Variants in MYO19 observed in about 807,000 individuals in gnomAD.
MYO19 encodes myosin XIX, also known as unconventional myosin-XIX.
A neutral mutation model predicts 129.2 loss-of-function variants in MYO19; 132 were observed. The observed-to-expected ratio is 1.02, with a 90% CI of 0.89 to 1.18. MYO19 has a LOEUF of 1.18. Among genes scored for constraint, MYO19 ranks in the 50% most tolerant of loss-of-function variants. The probability of loss-of-function intolerance (pLI) is 0.00; values close to 1 mark genes in which losing one functional copy is unlikely to be tolerated. For synonymous variants in MYO19, 531 were observed against 477.2 expected, an observed-to-expected ratio of 1.11 and a Z score of -1.47; for missense variants, 1,210 against 1,216.7, an observed-to-expected ratio of 0.99 and a Z score of 0.08.
At chr17:36,537,132 G>T (rs1385659353), upstream of MYO19, 1 of 1,601,730 alleles carries the variant, frequency 6.2e-7, no homozygotes, top group South Asian at 1.1e-5. Flanking sequence ...GGAAGCTTTT[G>T]TCAGTAACCT....
At chr17:36,539,404 T>C (rs553975342), upstream of MYO19, 1 of 166,274 alleles carries the variant, frequency 6.0e-6, no homozygotes, top group East Asian at 1.9e-4. Context: ...AATGTGCAGA[T>C]GGGTGGATAT....
At chr17:36,509,171 T>C (rs778949751) in intron 13 of MYO19, 36 bp from the exon 14 acceptor site, 22 of 1,598,912 alleles carry the variant, frequency 1.4e-5, no homozygotes, top group Middle Eastern at 1.7e-4. Flanking sequence ...GGTAAGAGGG[T>C]CTGGCTGAGT....
chr17:36,514,363 G>A (rs1180822382), intron 9 of MYO19, 83 bp downstream of exon 9: 2 of 875,372 alleles, frequency 2.3e-6, no homozygotes, highest in Admixed American at 1.8e-5. Flanking sequence ...CAGGTATGGA[G>A]CATTCTGGGG....
intron 18 of MYO19, 41 bp from the exon 19 acceptor site, chr17:36,505,445 T>A: frequency 6.6e-7 from 1 of 1,510,380 alleles, no homozygotes; most frequent in Non-Finnish European, 9.2e-7. Flanking sequence ...GGAGAGGGGC[T>A]GCCCAGGGCC....
At chr17:36,530,822 T>A (rs1359337922) in intron 3 of MYO19, among the ~76,000 whole-genome samples, 1 of 152,160 alleles carries the variant, frequency 6.6e-6, no homozygotes, top group Non-Finnish European at 1.5e-5. Context: ...GGTTTTGCCA[T>A]GTTGGCCAGA....
intron 6 of MYO19, among the ~76,000 whole-genome samples, chr17:36,518,059 C>T (rs1411828949): frequency 3.3e-5 from 5 of 149,452 alleles, no homozygotes; most frequent in Non-Finnish European, 7.4e-5. Flanking sequence ...CGTTGCACTC[C>T]AGCCTGGGCA....
intron 5 of MYO19, 80 bp downstream of exon 5, chr17:36,527,471 A>C: frequency 6.8e-7 from 1 of 1,465,490 alleles, no homozygotes; most frequent in Middle Eastern, 2.1e-4. Flanking sequence ...TGAATAGATG[A>C]ATAAGGACAG....
chr17:36,537,782 A>G (rs2074163182), upstream of MYO19: 1 of 1,614,072 alleles, frequency 6.2e-7, no homozygotes, highest in African/African-American at 1.3e-5. Context: ...GCTATCAGGA[A>G]CATTTAACAG....
At chr17:36,537,196 G>C, upstream of MYO19, 1 of 1,614,156 alleles carries the variant, frequency 6.2e-7, no homozygotes. Flanking sequence ...CCTGCATTCT[G>C]TATCCTGTGC....
At position 36,512,389 on chromosome 17, in the gene MYO19, CAAAAAAAA is replaced by C. The variant is rs551345278; in HGVS notation, c.895-942_895-935del. ...GGGCAACTAGAGTAAAACTCCATCT[CAAAAAAAA>C]AAAAAAAAAAGAAAAAACCACCACC... On this transcript the variant is annotated intron_variant, in intron 11 of 25. Coordinates refer to ENST00000614623, the MANE Select transcript of MYO19 (RefSeq NM_001163735.2). 2.3e-3 allele frequency among the ~76,000 whole-genome samples: 180 copies of C among 77,920 alleles called. 1 individual carries two copies. The highest frequency in any genetic ancestry group is 7.9e-3 in the African/African-American group (175 of 22,286). 51.1% of individuals were successfully genotyped at this position (77,920 alleles called of 152,430 possible).
upstream of MYO19, chr17:36,535,083 A>G (rs994914113): frequency 6.6e-6 from 1 of 152,278 alleles, no homozygotes; most frequent in Admixed American, 6.5e-5. Context: ...CTGGGGTAAA[A>G]TGAGGGTAAA....
At chr17:36,527,166 CAAAATAAATAAA>C (rs756346716) in intron 5 of MYO19, among the ~76,000 whole-genome samples, 2 of 148,884 alleles carry the variant, frequency 1.3e-5, no homozygotes, top group Admixed American at 6.7e-5. Flanking sequence ...AACTCCATCT[CAAAATAAATAAA>C]TAAATAAATA....
rs2070975285 is a variant in MYO19, at chr17:36,496,414, G to C, written c.2758-8C>G. 2 of 1,613,740 alleles carry C rather than the reference G, an allele frequency of 1.2e-6. No homozygotes were observed. The highest frequency in any genetic ancestry group is 4.5e-5 in the East Asian group (2 of 44,882). On this transcript the variant is annotated splice_polypyrimidine_tract_variant and splice_region_variant and intron_variant, in intron 25 of 25. Coordinates refer to ENST00000614623, the MANE Select transcript of MYO19 (RefSeq NM_001163735.2). Reference sequence around the variant, plus strand: ...GTGAAACTTTATCGATCCCTAGAGGGGAGAGAGAGATGCAGCTTTAGCACT... The same window carrying C: ...GTGAAACTTTATCGATCCCTAGAGGCGAGAGAGAGATGCAGCTTTAGCACT...
At position 36,498,345 on chromosome 17, in the gene MYO19, G is replaced by C. The variant is rs746023508; in HGVS notation, c.2678C>G (p.Pro893Arg). Residue 893 changes from proline (P) to arginine (R), a missense_variant, in exon 25 of 26, where the codon CCC (proline) becomes CGC (arginine). Transcript: ENST00000614623. ...KLVVWACLQL[P>R]RGSPSSYTVQ... ...AGTGTAGCTACTGGGGCTGCCCCTG[G>C]GGAGCTGGAGGCAAGCCCAGACCAC... is the stretch of plus-strand genomic sequence containing the variant. 4 of 1,613,996 alleles carry C rather than the reference G, an allele frequency of 2.5e-6. No homozygotes were observed. The highest frequency in any genetic ancestry group is 1.1e-5 in the South Asian group (1 of 91,084).
intron 12 of MYO19, 93 bp from the exon 13 acceptor site, chr17:36,511,010 C>A: frequency 1.5e-6 from 2 of 1,368,500 alleles, no homozygotes; most frequent in Non-Finnish European, 2.0e-6. Context: ...CCATGACTTG[C>A]CCAACTGGAC....
At chr17:36,501,976 C>CA (rs1409187690) in intron 21 of MYO19, 1 of 152,548 alleles carries the variant, frequency 6.6e-6, no homozygotes, top group Non-Finnish European at 1.5e-5. Flanking sequence ...GGGCAAGAGA[C>CA]ACGGAACAGG....
upstream of MYO19, among the ~76,000 whole-genome samples, chr17:36,543,607 C>T (rs1441546554): frequency 6.6e-6 from 1 of 152,166 alleles, no homozygotes; most frequent in Non-Finnish European, 1.5e-5. Context: ...ATCTCTAAGA[C>T]TCCATGTGAT....
rs991013544 is a variant in MYO19, at chr17:36,532,544, T to C, written c.-6A>G. ...GGTTTTACCTGCTGGAGCATCCTCC[T>C]TCAAAGTGGTCAGCCAGGGTTCTGG... is the stretch of plus-strand genomic sequence containing the variant. On this transcript the variant is annotated 5_prime_UTR_variant, in exon 3 of 26. Transcript: ENST00000614623. 7 of 1,554,608 alleles carry C rather than the reference T, an allele frequency of 4.5e-6. No individual in the cohort carries two copies. The African/African-American group carries it at 8.2e-5, about 18-fold the overall frequency.
intron 1 of MYO19, among the ~76,000 whole-genome samples, chr17:36,542,643 G>A (rs2074202938): frequency 6.6e-6 from 1 of 151,350 alleles, no homozygotes; most frequent in Non-Finnish European, 1.5e-5. Flanking sequence ...AGCTTGCAGT[G>A]AGCCGAGATA....
Sources: gnomAD v4.1 joint callset for allele counts (sites outside exome capture counted in the v4.1 genomes callset) on GRCh38, gnomAD v4.1.1 for gene constraint, MANE v1.5 for transcripts, NCBI Gene and HGNC (gene_info 2026-07-23, HGNC 2026-07-21) for gene names.